DCDC1: variants seen among roughly 807,000 people sequenced by gnomAD.
DCDC1 encodes doublecortin domain containing 1.
Under a neutral mutation model 178.3 loss-of-function variants are expected in DCDC1, and 200 were observed. The observed-to-expected ratio is 1.12, with a 90% CI of 1.00 to 1.26. DCDC1 has a LOEUF of 1.26. DCDC1 is among the 50% of genes most tolerant of loss of function. The pLI, the probability that DCDC1 is intolerant of heterozygous loss-of-function variation, is 0.00. For synonymous variants in DCDC1, 690 were observed against 604.8 expected (o/e 1.14, Z -2.07); for missense variants, 1,983 against 1,749.2 (o/e 1.13, Z -2.38).
chr11:31,237,490 G>A (rs1162791381), intron 9 of DCDC1, among the ~76,000 whole-genome samples: 1 of 151,670 alleles, frequency 6.6e-6, no homozygotes, highest in Non-Finnish European at 1.5e-5. Flanking sequence ...AAGTTAACTT[G>A]CTTAAATTAA....
chr11:30,939,979 AT>A (rs1244569854), intron 21 of DCDC1, among the ~76,000 whole-genome samples: 1 of 152,026 alleles, frequency 6.6e-6, no homozygotes, highest in African/African-American at 2.4e-5. Context: ...TCTTGGGTCC[AT>A]TTTGTTACAT....
chr11:31,116,474 T>C (rs763321809), intron 11 of DCDC1, among the ~76,000 whole-genome samples: 1 of 152,048 alleles, frequency 6.6e-6, no homozygotes, highest in Non-Finnish European at 1.5e-5. Context: ...ATTAACATTA[T>C]ATGTACACTA....
chr11:31,064,686 T>C, intron 19 of DCDC1, 60 bp from the exon 20 acceptor site: 1 of 746,272 alleles, frequency 1.3e-6, no homozygotes, highest in Admixed American at 1.8e-5. Flanking sequence ...ATATCTAAAC[T>C]ATACATGCCA....
At chr11:30,982,347 G>A (rs952994363) in intron 20 of DCDC1, among the ~76,000 whole-genome samples, 1 of 152,168 alleles carries the variant, frequency 6.6e-6, no homozygotes, top group Non-Finnish European at 1.5e-5. Context: ...GCAGCACAAT[G>A]AAATTAAGTT....
intron 9 of DCDC1, among the ~76,000 whole-genome samples, chr11:31,187,254 C>T (rs570996393): frequency 6.6e-6 from 1 of 152,276 alleles, no homozygotes; most frequent in South Asian, 2.1e-4. Context: ...GTATCTAATG[C>T]CATTGGTGCA....
At chr11:31,282,528 T>A (rs780294690) in intron 7 of DCDC1, among the ~76,000 whole-genome samples, 6 of 152,062 alleles carry the variant, frequency 3.9e-5, no homozygotes, top group Non-Finnish European at 8.8e-5. Context: ...TATATTTGGT[T>A]ATTTATTTCT....
chr11:31,200,459 C>T (rs766247322), intron 9 of DCDC1, among the ~76,000 whole-genome samples: 1 of 151,888 alleles, frequency 6.6e-6, no homozygotes, highest in African/African-American at 2.4e-5. Flanking sequence ...GGAAGAAATG[C>T]CAGAGTGGCA....
chr11:31,146,603 TG>T (rs1266010076), intron 9 of DCDC1, among the ~76,000 whole-genome samples: 1 of 152,204 alleles, frequency 6.6e-6, no homozygotes, highest in Non-Finnish European at 1.5e-5. Context: ...CACATTCACT[TG>T]GCTGCTGGAT....
At chr11:31,328,025 C>A in intron 3 of DCDC1, 92 bp downstream of exon 3, 1 of 1,282,042 alleles carries the variant, frequency 7.8e-7, no homozygotes, top group Non-Finnish European at 1.0e-6. Flanking sequence ...CCACCTGGCC[C>A]GGCCAAGACT....
intron 15 of DCDC1, among the ~76,000 whole-genome samples, chr11:31,094,502 TTAAA>T (rs1479670154): frequency 6.6e-6 from 1 of 152,106 alleles, no homozygotes; most frequent in Non-Finnish European, 1.5e-5. Flanking sequence ...ACATGAATGA[TTAAA>T]TAGTGTTATT....
intron 7 of DCDC1, among the ~76,000 whole-genome samples, chr11:31,268,951 T>C (rs1192980037): frequency 2.0e-5 from 3 of 152,194 alleles, no homozygotes; most frequent in African/African-American, 4.8e-5. Flanking sequence ...GATTCCCCTT[T>C]TCATTGAGCT....
chr11:31,070,601 T>C (rs1279987109), intron 18 of DCDC1, among the ~76,000 whole-genome samples: 1 of 152,216 alleles, frequency 6.6e-6, no homozygotes, highest in African/African-American at 2.4e-5. Context: ...CTTTGTGACC[T>C]TGGGTAAGTT....
In DCDC1 at chr11:31,280,961, C is replaced by T. The variant is rs1946383031; in HGVS notation, c.960+9686G>A. The T allele has an allele frequency of 9.5e-6, 6 of 630,184 alleles. No homozygotes were observed. The Admixed American group carries it at 1.1e-4, about 12-fold the overall frequency. The allele number at this position is 630,184 out of a possible 1,614,324, so 39.0% of individuals were successfully genotyped here. On this transcript the variant is annotated intron_variant, in intron 7 of 38. Transcript: ENST00000684477. ...CTGGGCACACTTTTGAACAAAAACT[C>T]TTCTTGCCTTTCTCAACATCACCCA...
At chr11:31,206,390 A>G (rs987623916) in intron 9 of DCDC1, among the ~76,000 whole-genome samples, 1 of 151,972 alleles carries the variant, frequency 6.6e-6, no homozygotes, top group Non-Finnish European at 1.5e-5. Context: ...ATCTCAATCT[A>G]AGGTCCATGG....
rs571343272 is a variant in DCDC1, at chr11:30,880,432, T to C, written c.5233+726A>G. Among the ~76,000 whole-genome samples the C allele has an allele frequency of 2.6e-5, 4 of 152,310 alleles. No homozygotes were observed. In the East Asian group the frequency reaches 7.7e-4, roughly 29 times the overall value. ...CTGTTTTAGAAGTTTTTGGTTTGCCTACATTACATACAACATAGTAATAAT... is the reference window on the plus strand; with the variant it reads ...CTGTTTTAGAAGTTTTTGGTTTGCCCACATTACATACAACATAGTAATAAT... On this transcript the variant is annotated intron_variant, in intron 37 of 38. Transcript: ENST00000684477.
At chr11:31,121,667 C>T (rs1292987866) in intron 11 of DCDC1, among the ~76,000 whole-genome samples, 1 of 151,664 alleles carries the variant, frequency 6.6e-6, no homozygotes, top group East Asian at 1.9e-4. Context: ...TTGAATTGCA[C>T]CCTGCCTCCA....
chr11:31,300,605 A>G (rs1008030295), intron 6 of DCDC1, among the ~76,000 whole-genome samples: 2 of 152,100 alleles, frequency 1.3e-5, no homozygotes, highest in African/African-American at 4.8e-5. Flanking sequence ...AATAAACAAT[A>G]ATGCATTTCT....
intron 20 of DCDC1, among the ~76,000 whole-genome samples, chr11:31,015,784 T>G (rs1952453633): frequency 6.6e-6 from 1 of 152,166 alleles, no homozygotes; most frequent in African/African-American, 2.4e-5. Flanking sequence ...AGGGCCTAAG[T>G]GGATTTCCAA....
intron 23 of DCDC1, among the ~76,000 whole-genome samples, chr11:30,924,632 A>G (rs192673305): frequency 1.2e-4 from 18 of 152,286 alleles, no homozygotes. Flanking sequence ...GTAAAAAACC[A>G]TTAAACAACT....
Sources: allele counts gnomAD v4.1 joint callset (sites outside exome capture counted in the v4.1 genomes callset), GRCh38; gene constraint gnomAD v4.1.1; transcripts MANE v1.5; gene names NCBI Gene and HGNC (gene_info 2026-07-23, HGNC 2026-07-21).